MRPL37: variants seen among roughly 807,000 people sequenced by gnomAD.
MRPL37 encodes the protein large ribosomal subunit protein mL37.
MRPL37 carries 34 observed loss-of-function variants against 44.1 expected under a neutral mutation model. That is an observed-to-expected ratio of 0.77 (90% CI 0.59 to 1.03). The LOEUF is 1.03. Ranked by LOEUF, MRPL37 falls within the 50% of genes least tolerant of loss-of-function variation. The pLI, the probability that MRPL37 is intolerant of heterozygous loss-of-function variation, is 0.00. For synonymous variants in MRPL37, 212 were observed against 219.5 expected (o/e 0.97, Z 0.30); for missense variants, 532 against 543.7 (o/e 0.98, Z 0.21).
rs769096621 is a variant in MRPL37 at position 54,200,471 on chromosome 1, G to T, written c.228G>T (p.Pro76=). ...CCTGGCTGGCGCGGCCGATCTTTCCGCCCTGGGACCGCGGCTACAAGGACC... is the reference window on the plus strand; with the variant it reads ...CCTGGCTGGCGCGGCCGATCTTTCCTCCCTGGGACCGCGGCTACAAGGACC... The part of the protein sequence containing the change: ...FVPWLARPIF[P]PWDRGYKDPR... Residue 76 remains proline, a synonymous_variant, in exon 1 of 7, where the codon CCG becomes CCT. Coordinates refer to ENST00000360840, the MANE Select transcript of MRPL37 (RefSeq NM_016491.4). 1 of 1,614,192 alleles carries T rather than the reference G, an allele frequency of 6.2e-7. No homozygotes were observed. Among genetic ancestry groups the T allele is most frequent in the Admixed American group, 1.7e-5 (1 of 60,022 alleles).
intron 1 of MRPL37, among the ~76,000 whole-genome samples, chr1:54,202,526 G>A (rs1411201798): frequency 1.4e-5 from 2 of 147,066 alleles, no homozygotes; most frequent in Non-Finnish European, 3.0e-5. Flanking sequence ...TTTTTCTTTC[G>A]ACAGAATCTT....
downstream of MRPL37, chr1:54,220,536 A>C (rs1417228980): frequency 2.5e-6 from 1 of 399,052 alleles, no homozygotes; most frequent in Non-Finnish European, 5.2e-6. Context: ...AGATGAGGAA[A>C]CAGGCTTAGA....
chr1:54,207,949 C>G (rs1644135923), intron 3 of MRPL37, among the ~76,000 whole-genome samples: 1 of 152,190 alleles, frequency 6.6e-6, no homozygotes, highest in Admixed American at 6.5e-5. Flanking sequence ...CAAGCACCTT[C>G]TGAGAAAGAT....
downstream of MRPL37, chr1:54,220,946 T>C (rs575541776): frequency 7.3e-5 from 28 of 385,460 alleles, no homozygotes; most frequent in African/African-American, 5.7e-4. Flanking sequence ...TCAGTTCATT[T>C]CCAGCAAGCT....
At chr1:54,223,448 T>C (rs992383571), downstream of MRPL37, among the ~76,000 whole-genome samples, 2 of 152,184 alleles carry the variant, frequency 1.3e-5, no homozygotes, top group African/African-American at 4.8e-5. Context: ...GGGGGATTCC[T>C]CAGGTCACCA....
chr1:54,205,069 C>A lies in MRPL37; in HGVS notation c.398C>A (p.Pro133His). ...LTKTKLIEGL[P>H]EKVLSLVDDP... ...AAGACCAAGTTAATAGAAGGCCTTC[C>A]CGAGAAAGTGCTTAGCCTTGTTGAT... The change falls in exon 2 of 7, where the codon CCC becomes CAC. Residue 133 changes from proline to histidine, a missense_variant. Physicochemically the swap from Pro to His is moderately conservative, Grantham distance 77. Coordinates refer to ENST00000360840, the MANE Select transcript of MRPL37 (RefSeq NM_016491.4). 6.2e-7 allele frequency: 1 copy of A among 1,614,116 alleles called. No homozygotes were observed. Among genetic ancestry groups the A allele is most frequent in the Non-Finnish European group, 8.5e-7 (1 of 1,180,020 alleles).
At chr1:54,221,546 C>T (rs890024690), downstream of MRPL37, among the ~76,000 whole-genome samples, 4 of 152,216 alleles carry the variant, frequency 2.6e-5, no homozygotes, top group Non-Finnish European at 2.9e-5. Context: ...GGACCTCCAT[C>T]CCTTAGAGGC....
At chr1:54,202,284 G>T (rs1644090577) in intron 1 of MRPL37, among the ~76,000 whole-genome samples, 1 of 152,074 alleles carries the variant, frequency 6.6e-6, no homozygotes, top group African/African-American at 2.4e-5. Context: ...TTATAGGTGT[G>T]AGCCACTGCC....
intron 5 of MRPL37, among the ~76,000 whole-genome samples, chr1:54,213,775 C>T (rs1348691896): frequency 3.3e-5 from 5 of 152,176 alleles, no homozygotes; most frequent in African/African-American, 7.2e-5. Flanking sequence ...TGGCCGGGTG[C>T]GGTGGCTCAC....
At chr1:54,204,287 CAGG>C (rs1016785226) in intron 1 of MRPL37, among the ~76,000 whole-genome samples, 1 of 151,956 alleles carries the variant, frequency 6.6e-6, no homozygotes, top group African/African-American at 2.4e-5. Context: ...GAAGCTGAGG[CAGG>C]AGAATCGCTT....
downstream of MRPL37, chr1:54,220,747 G>A (rs1345217786): frequency 6.4e-6 from 3 of 471,320 alleles, no homozygotes; most frequent in Non-Finnish European, 1.3e-5. Context: ...TCCCCAGCCA[G>A]TGAGCTGGTG....
chr1:54,216,001 A>AT (rs1644194241), intron 5 of MRPL37, 140 bp from the exon 6 acceptor site: 3 of 895,862 alleles, frequency 3.3e-6, no homozygotes, highest in Non-Finnish European at 5.2e-6. Flanking sequence ...TCCTCATTCT[A>AT]TTTTAATTGT....
chr1:54,218,589 T>G (rs1349867794), downstream of MRPL37, among the ~76,000 whole-genome samples: 2 of 152,228 alleles, frequency 1.3e-5, no homozygotes, highest in African/African-American at 4.8e-5. Flanking sequence ...CTGGGTTATG[T>G]GTGTGTAGTG....
chr1:54,221,718 G>T (rs1180676109), downstream of MRPL37, among the ~76,000 whole-genome samples: 1 of 152,100 alleles, frequency 6.6e-6, no homozygotes, highest in Non-Finnish European at 1.5e-5. Flanking sequence ...ACACACACGT[G>T]TACACGAGAC....
chr1:54,210,176 G>A (rs377449226), intron 4 of MRPL37, 45 bp downstream of exon 4: 15 of 1,574,816 alleles, frequency 9.5e-6, no homozygotes, highest in Non-Finnish European at 1.2e-5. Context: ...GGAGGAGAAG[G>A]ACATGCTTTT....
chr1:54,214,944 C>T (rs1644187672), intron 5 of MRPL37, among the ~76,000 whole-genome samples: 1 of 152,188 alleles, frequency 6.6e-6, no homozygotes, highest in Admixed American at 6.5e-5. Flanking sequence ...CCAACAGCCC[C>T]AGTGTGGCCC....
intron 1 of MRPL37, among the ~76,000 whole-genome samples, chr1:54,204,141 G>A (rs1241906849): frequency 6.6e-6 from 1 of 152,184 alleles, no homozygotes; most frequent in Admixed American, 6.5e-5. Context: ...CCAGCACTTT[G>A]GGAGGCCTAG....
At chr1:54,204,470 A>G (rs960618761) in intron 1 of MRPL37, among the ~76,000 whole-genome samples, 1 of 152,128 alleles carries the variant, frequency 6.6e-6, no homozygotes, top group African/African-American at 2.4e-5. Flanking sequence ...AGAGAGGTTC[A>G]GCTCCTTAAA....
At chr1:54,221,966 G>A (rs1215302810), downstream of MRPL37, among the ~76,000 whole-genome samples, 1 of 152,154 alleles carries the variant, frequency 6.6e-6, no homozygotes, top group Non-Finnish European at 1.5e-5. Flanking sequence ...GGTCTCCTTT[G>A]GATTGGCAGT....
Sources: gnomAD v4.1 joint callset for allele counts (sites outside exome capture counted in the v4.1 genomes callset) on GRCh38, gnomAD v4.1.1 for gene constraint, MANE v1.5 for transcripts, NCBI Gene and HGNC (gene_info 2026-07-23, HGNC 2026-07-21) for gene names.